Variants in CTNNA1 observed in about 807,000 individuals in gnomAD.
The protein encoded by CTNNA1 is catenin alpha 1.
A neutral mutation model predicts 98.4 loss-of-function variants in CTNNA1; 37 were observed. The observed-to-expected ratio is 0.38, with a 90% CI of 0.29 to 0.49. The LOEUF is 0.49. Among genes scored for constraint, CTNNA1 ranks in the 20% least tolerant of loss-of-function variants. The pLI, the probability that CTNNA1 is intolerant of heterozygous loss-of-function variation, is 0.95. For synonymous variants in CTNNA1, 404 were observed against 413.2 expected, an observed-to-expected ratio of 0.98 and a Z score of 0.27; for missense variants, 761 against 1,147.2, an observed-to-expected ratio of 0.66 and a Z score of 4.86.
chr5:138,825,346 C>T (rs1387449018), intron 6 of CTNNA1, among the ~76,000 whole-genome samples: 1 of 152,082 alleles, frequency 6.6e-6, no homozygotes, highest in Non-Finnish European at 1.5e-5. Context: ...AGCATAATGC[C>T]ATAATTACTT....
At chr5:138,755,452 T>C (rs1011108178) in intron 1 of CTNNA1, among the ~76,000 whole-genome samples, 5 of 152,144 alleles carry the variant, frequency 3.3e-5, no homozygotes, top group Non-Finnish European at 7.3e-5. Context: ...TCAGTTTCTT[T>C]CTTTTCCTCG....
chr5:138,812,325 TATTA>T, intron 5 of CTNNA1, 23 bp downstream of exon 5: 3 of 1,598,824 alleles, frequency 1.9e-6, no homozygotes, highest in Non-Finnish European at 2.6e-6. Context: ...TTTGGGGATA[TATTA>T]AAGTTGTTCA....
Position 138,924,557 on chromosome 5 carries a change from G to A in CTNNA1, c.1594G>A (p.Glu532Lys), listed in dbSNP as rs1335925565. The A allele has an allele frequency of 1.2e-6, 2 of 1,614,106 alleles. No homozygotes were observed. Among genetic ancestry groups the A allele is most frequent in the Non-Finnish European group, 1.7e-6 (2 of 1,180,060 alleles). ...GAACAAATGTGTCATTGCTCTCCAA[G>A]AGAAGGATGTGGATGGCCTGGACCG... ...DVNKCVIALQ[E>K]KDVDGLDRTA... Residue 532 changes from glutamate (E) to lysine (K), a missense_variant, in exon 12 of 18, where the codon GAG (glutamate) becomes AAG (lysine). Transcript: ENST00000302763.
At chr5:138,798,078 C>T (rs1044940212) in intron 3 of CTNNA1, among the ~76,000 whole-genome samples, 9 of 152,098 alleles carry the variant, frequency 5.9e-5, no homozygotes, top group Non-Finnish European at 1.3e-4. Context: ...CTTTAGGAAA[C>T]TTGGTATCAT....
Position 138,827,552 on chromosome 5 carries a change from A to G in CTNNA1, c.896A>G (p.Glu299Gly), listed in dbSNP as rs1760845926. The G allele has an allele frequency of 1.9e-6, 3 of 1,614,220 alleles. No homozygotes were observed. The highest frequency in any genetic ancestry group is 2.5e-6 in the Non-Finnish European group (3 of 1,180,042). ...GTGGACCCCTTGAGCTTCAGCGAGG[A>G]GCGCTTTAGGCCTTCCCTGGAGGAG... ...IIVDPLSFSE[E>G]RFRPSLEERL... is the part of the protein sequence containing the mutation. Residue 299 changes from glutamate (E) to glycine (G), a missense_variant, in exon 7 of 18, where the codon GAG (glutamate) becomes GGG (glycine). Physicochemically the swap from Glu to Gly is moderately conservative, Grantham distance 98. Around this residue, in one of 6 missense-constraint regions of CTNNA1, gnomAD observed 287 missense variants for 436.0 expected, o/e 0.66. Transcript: ENST00000302763.
intron 5 of CTNNA1, 59 bp downstream of exon 5, chr5:138,812,361 AC>A (rs1758917019): frequency 6.4e-7 from 1 of 1,558,332 alleles, no homozygotes; most frequent in African/African-American, 1.4e-5. Context: ...AGAGGGAAAA[AC>A]TCATTCTGTG....
chr5:138,799,922 A>G (rs1757390501), intron 3 of CTNNA1, among the ~76,000 whole-genome samples: 2 of 151,858 alleles, frequency 1.3e-5, no homozygotes, highest in Non-Finnish European at 2.9e-5. Flanking sequence ...TTAGAGACAG[A>G]GTCTTGCTCT....
intron 8 of CTNNA1, among the ~76,000 whole-genome samples, chr5:138,886,578 T>G (rs1156997779): frequency 6.6e-6 from 1 of 152,168 alleles, no homozygotes; most frequent in Non-Finnish European, 1.5e-5. Flanking sequence ...TGGAGACCTG[T>G]GAAAATAATC....
chr5:138,887,708 ATTAT>A, intron 9 of CTNNA1, 66 bp downstream of exon 9: 1 of 1,390,386 alleles, frequency 7.2e-7, no homozygotes, highest in Non-Finnish European at 9.9e-7. Context: ...TTTTAATCAC[ATTAT>A]TTAATCAGTT....
intron 1 of CTNNA1, among the ~76,000 whole-genome samples, chr5:138,776,943 G>T (rs1274569469): frequency 2.2e-5 from 3 of 134,272 alleles, no homozygotes; most frequent in Non-Finnish European, 3.2e-5. Flanking sequence ...CTGGCCGGGC[G>T]GGGGGCTGAC....
chr5:138,933,636 C>T (rs1301302089), intron 17 of CTNNA1, among the ~76,000 whole-genome samples, 166 bp from the exon 18 acceptor site: 1 of 152,172 alleles, frequency 6.6e-6, no homozygotes, highest in African/African-American at 2.4e-5. Flanking sequence ...ATAAGAGCAG[C>T]CGTTGAGGGT....
At chr5:138,866,071 G>A (rs1248171371) in intron 7 of CTNNA1, among the ~76,000 whole-genome samples, 1 of 152,096 alleles carries the variant, frequency 6.6e-6, no homozygotes, top group African/African-American at 2.4e-5. Context: ...AACTCTTTGT[G>A]GGCTGAGGCG....
At chr5:138,904,270 A>AG in intron 9 of CTNNA1, 79 bp from the exon 10 acceptor site, 9 of 1,491,604 alleles carry the variant, frequency 6.0e-6, no homozygotes, top group Non-Finnish European at 8.1e-6. Flanking sequence ...CAGAATGGTC[A>AG]GAGGTAGGGC....
intron 3 of CTNNA1, among the ~76,000 whole-genome samples, chr5:138,784,540 A>G (rs1755464505): frequency 6.6e-6 from 1 of 152,244 alleles, no homozygotes; most frequent in South Asian, 2.1e-4. Context: ...AATATTTCTA[A>G]TACTGAAAAT....
intron 7 of CTNNA1, among the ~76,000 whole-genome samples, chr5:138,878,898 C>T (rs983597644): frequency 2.6e-5 from 4 of 152,082 alleles, no homozygotes; most frequent in Admixed American, 6.6e-5. Context: ...TTGTTGCTGG[C>T]AGTCTCAATC....
Position 138,799,170 on chromosome 5 carries a change from T to C in CTNNA1, c.302-10868T>C, listed in dbSNP as rs1470685763. ...TCGTGCCCAGCCTTCTGCCACATTT[T>C]GTTTTTTTAGACAGAGTTTCGCTCT... On this transcript the variant is annotated intron_variant, in intron 3 of 17. Coordinates refer to ENST00000302763, the MANE Select transcript of CTNNA1 (RefSeq NM_001903.5). Among the ~76,000 whole-genome samples, 3 of 148,680 alleles carry C rather than the reference T, an allele frequency of 2.0e-5. No individual in the cohort carries two copies. In the East Asian group the frequency reaches 5.8e-4, roughly 29 times the overall value.
chr5:138,754,213 A>C (rs954281675), intron 1 of CTNNA1: 4 of 146,718 alleles, frequency 2.7e-5, no homozygotes, highest in Non-Finnish European at 5.9e-5. Flanking sequence ...CCTAGTTTTC[A>C]GGAGTGGCAT....
At chr5:138,754,231 G>GTT (rs11382611) in intron 1 of CTNNA1, 2,159 of 145,714 alleles carry the variant, frequency 0.015, 35 homozygotes, top group South Asian at 0.075. Context: ...CATTAGAGAG[G>GTT]TTTTTTTTTT....
rs1349574186 is a variant in CTNNA1, at chr5:138,924,947, GA to G, written c.1747+239del. ...TAATTCTAAACACACGATTTAAGAT[GA>G]ATTTCTGAGTTAAATCTCCTATTAG... On this transcript the variant is annotated intron_variant, in intron 12 of 17. Coordinates refer to ENST00000302763, the MANE Select transcript of CTNNA1 (RefSeq NM_001903.5). Among the ~76,000 whole-genome samples the G allele has an allele frequency of 2.0e-5, 3 of 152,172 alleles. No homozygotes were observed. In the East Asian group the frequency reaches 5.8e-4, roughly 29 times the overall value.
Sources: allele counts gnomAD v4.1 joint callset (sites outside exome capture counted in the v4.1 genomes callset), GRCh38; gene constraint gnomAD v4.1.1; regional missense constraint gnomAD v4.1.1; transcripts MANE v1.5; gene names NCBI Gene and HGNC (gene_info 2026-07-23, HGNC 2026-07-21).